The following KPNA4 variants were observed in gnomAD, a reference collection of about 807,000 sequenced individuals.
KPNA4 encodes karyopherin subunit alpha 4.
In KPNA4, 13 loss-of-function variants were observed where a neutral mutation model predicts 71.3. The ratio of observed to expected loss-of-function variants is 0.18; its 90% CI spans 0.12 to 0.29. The LOEUF (loss-of-function observed/expected upper bound fraction) is 0.29. KPNA4 is among the 10% of genes least tolerant of loss of function. The pLI is 1.00. For missense variants in KPNA4, 334 were observed against 603.2 expected (o/e 0.55, Z 4.67); for synonymous variants, 189 against 195.2 (o/e 0.97, Z 0.26).
At position 160,529,914 on chromosome 3, in the gene KPNA4, G is replaced by A. The variant is rs1721537513; in HGVS notation, c.469+941C>T. Among the ~76,000 whole-genome samples, 6 of 151,772 alleles carry A rather than the reference G, an allele frequency of 4.0e-5. No individual in the cohort carries two copies. In the South Asian group the frequency reaches 8.3e-4, roughly 21 times the overall value. ...GGAGGCCGAGGCAGGCGGATCATGA[G>A]GTCAGGAGATCGAGACCGAGACCAT... On this transcript the variant is annotated intron_variant, in intron 7 of 16. Coordinates refer to ENST00000334256, the MANE Select transcript of KPNA4 (RefSeq NM_002268.5).
chr3:160,520,146 T>C (rs550029762), intron 11 of KPNA4, among the ~76,000 whole-genome samples: 11 of 152,038 alleles, frequency 7.2e-5, no homozygotes, highest in Non-Finnish European at 1.2e-4. Context: ...CAAAATTCTG[T>C]ACCAAGACAT....
intron 5 of KPNA4, among the ~76,000 whole-genome samples, chr3:160,534,145 T>C (rs1721632274): frequency 6.6e-6 from 1 of 152,208 alleles, no homozygotes; most frequent in African/African-American, 2.4e-5. Context: ...CTAATAAATA[T>C]AAAACAGATT....
chr3:160,520,238 G>A (rs1268652094), intron 11 of KPNA4, among the ~76,000 whole-genome samples: 1 of 151,546 alleles, frequency 6.6e-6, no homozygotes, highest in Non-Finnish European at 1.5e-5. Context: ...AGCCTTAAAT[G>A]ACAAATTATT....
intron 11 of KPNA4, 87 bp from the exon 12 acceptor site, chr3:160,515,667 T>A: frequency 6.9e-7 from 1 of 1,439,518 alleles, no homozygotes; most frequent in Non-Finnish European, 9.4e-7. Flanking sequence ...CAGGGTAGAG[T>A]GCAGTGGTGC....
rs1461803634 is a variant in KPNA4, at chr3:160,500,643, A to G, written c.*1461T>C. On this transcript the variant is annotated 3_prime_UTR_variant, in exon 17 of 17. Coordinates refer to ENST00000334256, the MANE Select transcript of KPNA4 (RefSeq NM_002268.5). ...TAACTTTTATGCAAGTTTTAAAAAT[A>G]CAAAGTTTTCTCCCTAAAGTGGCTC... is the stretch of plus-strand genomic sequence containing the variant. 3.3e-5 allele frequency: 5 copies of G among 152,662 alleles called. No individual in the cohort carries two copies. Among genetic ancestry groups the G allele is most frequent in the Admixed American group, 1.3e-4 (2 of 15,290 alleles). The allele number at this position is 152,662 out of a possible 1,614,324, so 9.5% of individuals were successfully genotyped here.
chr3:160,557,724 G>C (rs548108798), intron 1 of KPNA4, among the ~76,000 whole-genome samples: 32 of 152,318 alleles, frequency 2.1e-4, no homozygotes, highest in African/African-American at 7.7e-4. Context: ...ACCCAGGCTG[G>C]AGTGCAGTGG....
chr3:160,521,169 G>C (rs951976919), intron 11 of KPNA4, among the ~76,000 whole-genome samples: 3 of 151,352 alleles, frequency 2.0e-5, no homozygotes, highest in Non-Finnish European at 2.9e-5. Context: ...TGGTTGGCAA[G>C]GAAGAAAAAA....
chr3:160,543,920 C>T (rs1181526757), intron 1 of KPNA4, among the ~76,000 whole-genome samples: 4 of 152,006 alleles, frequency 2.6e-5, no homozygotes, highest in African/African-American at 4.8e-5. Flanking sequence ...TGCAATGGCG[C>T]GATCTCAGCT....
intron 1 of KPNA4, among the ~76,000 whole-genome samples, chr3:160,555,053 T>C (rs970390253): frequency 6.6e-5 from 10 of 152,114 alleles, no homozygotes; most frequent in Admixed American, 6.6e-4. Context: ...GACACTCCCA[T>C]GGGACTGAGC....
chr3:160,558,085 G>T (rs1411408852), intron 1 of KPNA4, among the ~76,000 whole-genome samples: 2 of 152,104 alleles, frequency 1.3e-5, no homozygotes, highest in African/African-American at 4.8e-5. Flanking sequence ...AATTATAGTT[G>T]TTTTCTGATT....
At chr3:160,558,331 T>G (rs1223529948) in intron 1 of KPNA4, among the ~76,000 whole-genome samples, 1 of 152,166 alleles carries the variant, frequency 6.6e-6, no homozygotes, top group African/African-American at 2.4e-5. Context: ...AAGAGGAATT[T>G]TGTAAGCAAA....
chr3:160,540,989 G>A (rs142959372), intron 1 of KPNA4, among the ~76,000 whole-genome samples: 1 of 152,328 alleles, frequency 6.6e-6, no homozygotes, highest in African/African-American at 2.4e-5. Context: ...AAAACAGAAT[G>A]CTAGCTCTAT....
intron 11 of KPNA4, among the ~76,000 whole-genome samples, chr3:160,519,882 A>G (rs564451086): frequency 1.3e-5 from 2 of 152,222 alleles, no homozygotes; most frequent in Non-Finnish European, 2.9e-5. Context: ...AATTTGTATC[A>G]AAATAAATTT....
chr3:160,502,967 T>C (rs572198394), intron 16 of KPNA4, among the ~76,000 whole-genome samples: 2 of 152,098 alleles, frequency 1.3e-5, no homozygotes, highest in African/African-American at 4.8e-5. Context: ...AAAAATTAGC[T>C]GGGCATGGTG....
Position 160,504,960 on chromosome 3 carries a change from C to G in KPNA4, c.1465G>C (p.Asp489His). The change falls in exon 16 of 17, where the codon GAT (aspartate) becomes CAT (histidine). Residue 489 changes from aspartate (D) to histidine (H), a missense_variant and splice_region_variant. Asp to His is a moderately conservative substitution (Grantham distance 81). Transcript: ENST00000334256. ...AAAACTACAAAATTATTAAATACATCATCTGAAGAGAAGAACTGATCAATG... is the reference window on the plus strand; with the variant it reads ...AAAACTACAAAATTATTAAATACATGATCTGAAGAGAAGAACTGATCAATG... ...EIIDQFFSSD[D>H]IDEDPSLVPE... is the part of the protein sequence containing the mutation. The G allele has an allele frequency of 7.0e-7, 1 of 1,430,874 alleles. No individual in the cohort carries two copies. Among genetic ancestry groups the G allele is most frequent in the Admixed American group, 2.2e-5 (1 of 45,802 alleles). The allele number at this position is 1,430,874 out of a possible 1,614,324, so 88.6% of individuals were successfully genotyped here.
intron 2 of KPNA4, 93 bp from the exon 3 acceptor site, chr3:160,535,990 G>A (rs969414728): frequency 1.1e-5 from 11 of 989,438 alleles, no homozygotes; most frequent in Non-Finnish European, 1.2e-5. Context: ...AGGCAATCCT[G>A]TGCCTAAAAA....
chr3:160,522,170 A>G (rs1721361645), intron 10 of KPNA4, among the ~76,000 whole-genome samples: 2 of 152,200 alleles, frequency 1.3e-5, no homozygotes, highest in Non-Finnish European at 2.9e-5. Context: ...ATACACACGC[A>G]CACTACACAG....
At chr3:160,511,289 T>C (rs1039527563) in intron 13 of KPNA4, among the ~76,000 whole-genome samples, 4 of 151,182 alleles carry the variant, frequency 2.6e-5, no homozygotes, top group Non-Finnish European at 5.9e-5. Context: ...GTATTTTTAG[T>C]AGAGATGGGG....
chr3:160,516,290 C>CCGCCAATACATAAT (rs1560046290), intron 11 of KPNA4, among the ~76,000 whole-genome samples: 1 of 152,074 alleles, frequency 6.6e-6, no homozygotes, highest in African/African-American at 2.4e-5. Context: ...CTGCACCCTG[C>CCGCCAATACATAAT]TCCAAGAAAC....
Sources: gnomAD v4.1 joint callset for allele counts (sites outside exome capture counted in the v4.1 genomes callset) on GRCh38, gnomAD v4.1.1 for gene constraint, MANE v1.5 for transcripts, NCBI Gene and HGNC (gene_info 2026-07-23, HGNC 2026-07-21) for gene names.